The following MACROD2 variants were observed in gnomAD, a reference collection of about 807,000 sequenced individuals.
MACROD2 encodes the protein mono-ADP ribosylhydrolase 2.
Under a neutral mutation model 70.4 loss-of-function variants are expected in MACROD2, and 36 were observed. The observed-to-expected ratio is 0.51, with a 90% CI of 0.39 to 0.68. MACROD2 has a LOEUF of 0.68. Ranked by LOEUF, MACROD2 falls within the 30% of genes least tolerant of loss-of-function variation. The pLI is 0.00. For synonymous variants in MACROD2, 172 were observed against 178.8 expected (o/e 0.96, Z 0.30); for missense variants, 496 against 538.4 (o/e 0.92, Z 0.78).
At chr20:14,240,059 C>T (rs2081915058) in intron 3 of MACROD2, among the ~76,000 whole-genome samples, 1 of 152,136 alleles carries the variant, frequency 6.6e-6, no homozygotes, top group Non-Finnish European at 1.5e-5. Context: ...AGAAGACTTA[C>T]ATGTGGTTAA....
chr20:14,909,475 T>A lies in MACROD2; in HGVS notation c.418+224516T>A, dbSNP rs79229938. Among the ~76,000 whole-genome samples the A allele has an allele frequency of 2.3e-3, 348 of 152,132 alleles. 3 individuals are homozygous for A. Among genetic ancestry groups the A allele is most frequent in the Non-Finnish European group, 3.1e-3 (213 of 68,002 alleles). On this transcript the variant is annotated intron_variant, in intron 5 of 17. Transcript: ENST00000684519. ...ATTAAAAACCTGATGCTGACACTGG[T>A]TAACACTTGTTACTTACCTTTCTGA...
intron 4 of MACROD2, among the ~76,000 whole-genome samples, chr20:14,611,051 A>G (rs1311073767): frequency 6.6e-6 from 1 of 152,144 alleles, no homozygotes; most frequent in Admixed American, 6.5e-5. Context: ...GTACTTTTAC[A>G]TTCTTGGAAT....
chr20:14,567,445 C>G (rs1979886002), intron 4 of MACROD2, among the ~76,000 whole-genome samples: 1 of 151,954 alleles, frequency 6.6e-6, no homozygotes, highest in African/African-American at 2.4e-5. Flanking sequence ...CATGCGTGTG[C>G]CCTGCTATAG....
chr20:14,862,007 A>ATATATATTTATATATATATATATATT (rs1568838660), intron 5 of MACROD2, among the ~76,000 whole-genome samples: 2 of 23,094 alleles, frequency 8.7e-5, no homozygotes, highest in Non-Finnish European at 1.8e-4. Context: ...ATATATATTT[A>ATATATATTTATATATATATATATATT]TATATATATA....
At chr20:14,973,482 C>T (rs1276793111) in intron 5 of MACROD2, among the ~76,000 whole-genome samples, 1 of 152,092 alleles carries the variant, frequency 6.6e-6, no homozygotes, top group Non-Finnish European at 1.5e-5. Context: ...CTCAGCCTCC[C>T]AAAGTGGTGG....
At chr20:14,515,467 A>ACGCG (rs1311985534) in intron 4 of MACROD2, among the ~76,000 whole-genome samples, 6 of 114,130 alleles carry the variant, frequency 5.3e-5, no homozygotes, top group African/African-American at 1.9e-4. Flanking sequence ...ACACACACGC[A>ACGCG]CACACACACA....
chr20:14,722,578 T>C (rs1043787473), intron 5 of MACROD2, among the ~76,000 whole-genome samples: 5 of 152,192 alleles, frequency 3.3e-5, no homozygotes, highest in Non-Finnish European at 5.9e-5. Context: ...AAGCAGTAAG[T>C]AAATGGTTTT....
chr20:14,687,005 A>C (rs2071010408), intron 5 of MACROD2, among the ~76,000 whole-genome samples: 1 of 152,130 alleles, frequency 6.6e-6, no homozygotes, highest in Admixed American at 6.5e-5. Flanking sequence ...CTGGGTATTA[A>C]CGGTGATTTC....
chr20:15,724,110 A>T (rs1427768342), intron 8 of MACROD2, among the ~76,000 whole-genome samples: 1 of 152,116 alleles, frequency 6.6e-6, no homozygotes, highest in Non-Finnish European at 1.5e-5. Flanking sequence ...TCCATTTTTT[A>T]ATTGAATGGC....
At chr20:14,906,408 C>T (rs1050599046) in intron 5 of MACROD2, among the ~76,000 whole-genome samples, 28 of 152,236 alleles carry the variant, frequency 1.8e-4, no homozygotes, top group African/African-American at 6.7e-4. Context: ...GCAGGAGAAT[C>T]GCTTGAACCC....
chr20:15,706,667 A>G (rs1287575775), intron 8 of MACROD2, among the ~76,000 whole-genome samples: 2 of 152,228 alleles, frequency 1.3e-5, no homozygotes, highest in African/African-American at 4.8e-5. Context: ...AAAAAGTTCA[A>G]ATAACTTTCT....
At chr20:14,742,909 G>T (rs6110414) in intron 5 of MACROD2, among the ~76,000 whole-genome samples, 1 of 150,694 alleles carries the variant, frequency 6.6e-6, no homozygotes, top group Non-Finnish European at 1.5e-5. Flanking sequence ...TGGGTCTACA[G>T]GCGCCCGCCA....
At chr20:14,180,180 T>TACAC (rs1454740148) in intron 3 of MACROD2, among the ~76,000 whole-genome samples, 19 of 152,058 alleles carry the variant, frequency 1.2e-4, no homozygotes, top group Admixed American at 1.0e-3. Context: ...TATTGGGTAT[T>TACAC]ACACAGTAGG....
intron 4 of MACROD2, among the ~76,000 whole-genome samples, chr20:14,499,027 G>A (rs1479072029): frequency 3.3e-5 from 5 of 152,184 alleles, no homozygotes; most frequent in Non-Finnish European, 7.3e-5. Context: ...AGGAGAGTCA[G>A]TCAAGCATGG....
intron 8 of MACROD2, among the ~76,000 whole-genome samples, chr20:15,846,255 A>C (rs2147139240): frequency 6.6e-6 from 1 of 152,316 alleles, no homozygotes; most frequent in African/African-American, 2.4e-5. Flanking sequence ...CCCCATTTAG[A>C]ATATTCAGCC....
At chr20:15,682,638 A>G (rs1174676643) in intron 8 of MACROD2, among the ~76,000 whole-genome samples, 5 of 152,206 alleles carry the variant, frequency 3.3e-5, no homozygotes, top group Admixed American at 6.5e-5. Flanking sequence ...TTGGTTGGCC[A>G]TGCAGGTGGA....
At chr20:14,708,681 G>T (rs771090444) in intron 5 of MACROD2, among the ~76,000 whole-genome samples, 1 of 152,066 alleles carries the variant, frequency 6.6e-6, no homozygotes, top group African/African-American at 2.4e-5. Context: ...GCAGTGGCAC[G>T]ATCTCTGCTC....
chr20:15,052,250 CTT>C lies in MACROD2; in HGVS notation c.419-177688_419-177687del, dbSNP rs565826859. The stretch of plus-strand genomic sequence containing the variant: ...AGGTTCCAGGGAATTAGCCATCTAT[CTT>C]TGTGTTCTCTGTGCCTAGTGTGATG... On this transcript the variant is annotated intron_variant, in intron 5 of 17. Transcript: ENST00000684519. Among the ~76,000 whole-genome samples the C allele has an allele frequency of 1.2e-4, 18 of 152,266 alleles. 1 individual carries two copies. The South Asian group carries it at 3.7e-3, about 32-fold the overall frequency.
chr20:14,664,279 A>C (rs539384312), intron 4 of MACROD2, among the ~76,000 whole-genome samples: 4 of 152,092 alleles, frequency 2.6e-5, no homozygotes, highest in Admixed American at 2.0e-4. Flanking sequence ...GTTACAGCCA[A>C]AATGCTGACA....
Sources: allele counts gnomAD v4.1 joint callset (sites outside exome capture counted in the v4.1 genomes callset), GRCh38; gene constraint gnomAD v4.1.1; transcripts MANE v1.5; gene names NCBI Gene and HGNC (gene_info 2026-07-23, HGNC 2026-07-21).